Variants in DENND1A observed in about 807,000 individuals in gnomAD.
The protein encoded by DENND1A is DENN domain-containing protein 1A.
A neutral mutation model predicts 113.7 loss-of-function variants in DENND1A; 51 were observed. The observed-to-expected ratio is 0.45, with a 90% CI of 0.36 to 0.57. The LOEUF is 0.57. Among genes scored for constraint, DENND1A ranks in the 20% least tolerant of loss-of-function variants. The pLI, the probability that DENND1A is intolerant of heterozygous loss-of-function variation, is 0.00. For missense variants in DENND1A, 1,258 were observed against 1,395.9 expected (o/e 0.90, Z 1.57); for synonymous variants, 565 against 570.8 (o/e 0.99, Z 0.14).
intron 10 of DENND1A, among the ~76,000 whole-genome samples, chr9:123,611,003 T>A (rs1232631279): frequency 6.6e-6 from 1 of 152,244 alleles, no homozygotes; most frequent in Non-Finnish European, 1.5e-5. Context: ...GAATATAAAA[T>A]GTCCTCCTTA....
intron 3 of DENND1A, among the ~76,000 whole-genome samples, chr9:123,775,896 T>G (rs1003097650): frequency 6.6e-6 from 1 of 152,148 alleles, no homozygotes; most frequent in Non-Finnish European, 1.5e-5. Flanking sequence ...CGTCTCCTCT[T>G]GGGACACAAG....
At chr9:123,777,524 G>T (rs1830643551) in intron 3 of DENND1A, among the ~76,000 whole-genome samples, 1 of 152,202 alleles carries the variant, frequency 6.6e-6, no homozygotes, top group Non-Finnish European at 1.5e-5. Context: ...AGAAGCTTTT[G>T]TAAGTCTTAG....
At chr9:123,856,128 G>A (rs1274979839) in intron 2 of DENND1A, among the ~76,000 whole-genome samples, 1 of 152,012 alleles carries the variant, frequency 6.6e-6, no homozygotes, top group Non-Finnish European at 1.5e-5. Context: ...GGATAACAAG[G>A]GAGAAAAAAA....
chr9:123,381,319 A>C lies in DENND1A; in HGVS notation c.*113T>G, dbSNP rs533899152. On this transcript the variant is annotated 3_prime_UTR_variant, in exon 24 of 24. Coordinates refer to ENST00000394215, the MANE Select transcript of DENND1A (RefSeq NM_001352964.2). The surrounding 1 kb of genome is among the most constrained non-coding windows in gnomAD (Gnocchi z 4.7). ...GGAGGGGGCAGCAGAGAGGGGTCCC[A>C]TCCCTTCCCACCAGCAGAACCTGGG... 2 of 1,069,808 alleles carry C rather than the reference A, an allele frequency of 1.9e-6. No individual in the cohort carries two copies. The highest frequency in any genetic ancestry group is 1.5e-5 in the South Asian group (1 of 66,470). 66.3% of individuals were successfully genotyped at this position (1,069,808 alleles called of 1,614,324 possible).
At chr9:123,421,441 A>C (rs950292816) in intron 19 of DENND1A, among the ~76,000 whole-genome samples, 1 of 152,020 alleles carries the variant, frequency 6.6e-6, no homozygotes, top group Non-Finnish European at 1.5e-5. Context: ...AAGATGTTAA[A>C]ACGTATCTCC....
At chr9:123,703,924 T>G (rs532923643) in intron 5 of DENND1A, among the ~76,000 whole-genome samples, 1 of 152,050 alleles carries the variant, frequency 6.6e-6, no homozygotes, top group African/African-American at 2.4e-5. Context: ...ACTCATTAAA[T>G]TGTACACTTA....
chr9:123,575,303 G>A (rs573517206), intron 12 of DENND1A, among the ~76,000 whole-genome samples: 32 of 152,208 alleles, frequency 2.1e-4, no homozygotes, highest in African/African-American at 5.5e-4. Flanking sequence ...ATCTAATGCC[G>A]CTGCTGATCT....
intron 2 of DENND1A, among the ~76,000 whole-genome samples, chr9:123,822,645 G>A (rs1838670334): frequency 6.6e-6 from 1 of 152,148 alleles, no homozygotes; most frequent in African/African-American, 2.4e-5. Flanking sequence ...TTGTTACAAT[G>A]GTGGCTTTCA....
intron 8 of DENND1A, among the ~76,000 whole-genome samples, chr9:123,653,077 T>C (rs1035563924): frequency 5.3e-5 from 8 of 152,196 alleles, no homozygotes; most frequent in African/African-American, 1.9e-4. Flanking sequence ...GCGTTGCAGT[T>C]TATAATGATT....
intron 5 of DENND1A, among the ~76,000 whole-genome samples, chr9:123,726,253 T>C (rs746211255): frequency 3.3e-5 from 5 of 152,244 alleles, no homozygotes; most frequent in Non-Finnish European, 5.9e-5. Context: ...AAGTCATTTT[T>C]ACGAAGAAAA....
intron 13 of DENND1A, among the ~76,000 whole-genome samples, chr9:123,460,648 T>G (rs1182776811): frequency 6.6e-6 from 1 of 152,240 alleles, no homozygotes; most frequent in Non-Finnish European, 1.5e-5. Flanking sequence ...GTGAATTGTC[T>G]CACGCTCACC....
At chr9:123,430,409 T>A (rs1309159847) in intron 19 of DENND1A, among the ~76,000 whole-genome samples, 1 of 152,148 alleles carries the variant, frequency 6.6e-6, no homozygotes, top group Admixed American at 6.5e-5. Context: ...CTATTCACAA[T>A]AGCAAAGACA....
At chr9:123,746,115 T>G (rs1044034824) in intron 5 of DENND1A, among the ~76,000 whole-genome samples, 1 of 152,220 alleles carries the variant, frequency 6.6e-6, no homozygotes, top group African/African-American at 2.4e-5. Context: ...TTTACTTATG[T>G]GTGTATAATG....
At chr9:123,746,538 T>C (rs1564188376) in intron 5 of DENND1A, among the ~76,000 whole-genome samples, 1 of 152,168 alleles carries the variant, frequency 6.6e-6, no homozygotes, top group Non-Finnish European at 1.5e-5. Flanking sequence ...TATATACCAG[T>C]TGAGCACCGC....
chr9:123,864,950 T>A (rs1229835401), intron 2 of DENND1A, among the ~76,000 whole-genome samples: 1 of 152,208 alleles, frequency 6.6e-6, no homozygotes, highest in Non-Finnish European at 1.5e-5. Context: ...TAAATGATCC[T>A]TGCCCTCTTG....
At chr9:123,767,855 G>A (rs180715292) in intron 4 of DENND1A, among the ~76,000 whole-genome samples, 1 of 152,290 alleles carries the variant, frequency 6.6e-6, no homozygotes, top group African/African-American at 2.4e-5. Flanking sequence ...AAGAAGTCAT[G>A]TAAAAATGTA....
chr9:123,787,744 T>G (rs958131313), intron 3 of DENND1A, among the ~76,000 whole-genome samples: 3 of 152,168 alleles, frequency 2.0e-5, no homozygotes, highest in African/African-American at 7.2e-5. Flanking sequence ...ATAGTGAAAT[T>G]TTGAAATCAC....
At chr9:123,738,083 A>G (rs768550173) in intron 5 of DENND1A, among the ~76,000 whole-genome samples, 13 of 152,226 alleles carry the variant, frequency 8.5e-5, no homozygotes, top group Non-Finnish European at 1.9e-4. Context: ...ACATGTTAAC[A>G]TCTATCAAGG....
chr9:123,457,351 C>T lies in DENND1A; in HGVS notation c.1183G>A (p.Ala395Thr), dbSNP rs1446493210. The T allele has an allele frequency of 9.9e-6, 16 of 1,613,080 alleles. No homozygotes were observed. The highest frequency in any genetic ancestry group is 2.2e-5 in the East Asian group (1 of 44,892). Residue 395 changes from alanine (A) to threonine (T), a missense_variant, in exon 15 of 24, where the codon GCT becomes ACT. Physicochemically the swap from Ala to Thr is moderately conservative, Grantham distance 58. Around this residue, in one of 2 missense-constraint regions of DENND1A, gnomAD observed 1,159 missense variants for 1,231.7 expected, o/e 0.94. Transcript: ENST00000394215. ...FEEEINMGEY[A>T]GSDKLYHQWL... ...AGGAAAATGAGTTGCTTCTCACCAG[C>T]GTACTCGCCCATGTTGATTTCCTCT...
Sources: allele counts gnomAD v4.1 joint callset (sites outside exome capture counted in the v4.1 genomes callset), GRCh38; gene constraint gnomAD v4.1.1; regional missense constraint gnomAD v4.1.1; non-coding constraint Gnocchi (gnomAD v3.1); transcripts MANE v1.5; gene names NCBI Gene and HGNC (gene_info 2026-07-23, HGNC 2026-07-21).